MMP28: variants seen among roughly 807,000 people sequenced by gnomAD.
MMP28 encodes matrix metalloproteinase-28.
MMP28 carries 55 observed loss-of-function variants against 60.5 expected under a neutral mutation model. The observed-to-expected ratio is 0.91, with a 90% CI of 0.73 to 1.14. MMP28 has a LOEUF of 1.14. MMP28 is among the 50% of genes most tolerant of loss of function. MMP28 has a pLI of 0.00. For synonymous variants in MMP28, 318 were observed against 312.5 expected (o/e 1.02, Z -0.18); for missense variants, 686 against 738.3 (o/e 0.93, Z 0.82).
At chr17:35,774,217 A>G (rs930119788) in intron 3 of MMP28, among the ~76,000 whole-genome samples, 3 of 152,190 alleles carry the variant, frequency 2.0e-5, no homozygotes, top group African/African-American at 7.2e-5. Flanking sequence ...TCTGGGCCCA[A>G]CTGCAGCTCA....
At chr17:35,762,189 C>A (rs2085834205), downstream of MMP28, among the ~76,000 whole-genome samples, 1 of 152,040 alleles carries the variant, frequency 6.6e-6, no homozygotes, top group African/African-American at 2.4e-5. Context: ...GGGGTTTCTC[C>A]TTGTTGGTCA....
chr17:35,790,989 C>T (rs2086798777), intron 1 of MMP28, among the ~76,000 whole-genome samples: 1 of 151,748 alleles, frequency 6.6e-6, no homozygotes, highest in East Asian at 2.0e-4. Flanking sequence ...CCCGGCCTCC[C>T]AAAGTGCTGG....
At chr17:35,768,075 T>C (rs1555604192) in intron 6 of MMP28, among the ~76,000 whole-genome samples, 155 bp downstream of exon 6, 2 of 151,922 alleles carry the variant, frequency 1.3e-5, no homozygotes, top group South Asian at 2.1e-4. Flanking sequence ...GAAGAAGCGG[T>C]GTTTTGCTGG....
chr17:35,756,707 A>T (rs1202371141), intron 2 of MMP28, among the ~76,000 whole-genome samples: 1 of 151,494 alleles, frequency 6.6e-6, no homozygotes, highest in African/African-American at 2.4e-5. Flanking sequence ...AGCTCAAGTG[A>T]TTTGCCCACC....
At chr17:35,790,172 T>C (rs2086773538) in intron 1 of MMP28, among the ~76,000 whole-genome samples, 1 of 146,594 alleles carries the variant, frequency 6.8e-6, no homozygotes, top group Non-Finnish European at 1.5e-5. Flanking sequence ...GTTCAAGCAA[T>C]TCTGCCTCAG....
chr17:35,764,598 G>A (rs782125842), downstream of MMP28: 3 of 1,586,862 alleles, frequency 1.9e-6, no homozygotes, highest in South Asian at 3.4e-5. Context: ...GGGTAAGGCG[G>A]GGGCCGCTGG....
At chr17:35,791,007 G>A (rs1471904256) in intron 1 of MMP28, among the ~76,000 whole-genome samples, 1 of 151,640 alleles carries the variant, frequency 6.6e-6, no homozygotes, top group South Asian at 2.1e-4. Context: ...TGGGATTACA[G>A]GTATGAGTCA....
chr17:35,794,334 C>T (rs1414222830), intron 1 of MMP28, among the ~76,000 whole-genome samples: 1 of 150,572 alleles, frequency 6.6e-6, no homozygotes, highest in Non-Finnish European at 1.5e-5. Context: ...CAACCTCTGC[C>T]TCCCGGGTTC....
chr17:35,764,375 C>T (rs781865674), downstream of MMP28: 6 of 1,459,326 alleles, frequency 4.1e-6, no homozygotes, highest in Non-Finnish European at 5.4e-6. Flanking sequence ...TGCCCGGGCC[C>T]CAGGGAGGAG....
At chr17:35,786,347 C>T (rs2086648206) in intron 1 of MMP28, among the ~76,000 whole-genome samples, 1 of 152,166 alleles carries the variant, frequency 6.6e-6, no homozygotes, top group Admixed American at 6.5e-5. Context: ...CGTGAGCCAC[C>T]ATGCCCAGCC....
chr17:35,778,631 G>T, intron 3 of MMP28: 1 of 757,454 alleles, frequency 1.3e-6, no homozygotes, highest in Non-Finnish European at 2.0e-6. Flanking sequence ...ATTTATCAAG[G>T]AATTACATGG....
rs754305201 is a variant in MMP28 at position 35,779,091 on chromosome 17, G to A, written c.192-16C>T. The A allele has an allele frequency of 2.5e-6, 4 of 1,611,656 alleles. No individual in the cohort carries two copies. The highest frequency in any genetic ancestry group is 2.5e-6 in the Non-Finnish European group (3 of 1,178,634). The stretch of plus-strand genomic sequence containing the variant: ...CTGAAACGCTCTGTCAGGAGGAAAG[G>A]ACCGCAAGGGGAGGGTGAGTGGTAA... On this transcript the variant is annotated splice_polypyrimidine_tract_variant and intron_variant, in intron 2 of 7. Transcript: ENST00000605424.
intron 2 of MMP28, among the ~76,000 whole-genome samples, chr17:35,759,632 C>T (rs2085781224): frequency 6.6e-6 from 1 of 152,126 alleles, no homozygotes; most frequent in African/African-American, 2.4e-5. Context: ...ACCCGGGAGG[C>T]AGAGGTTGCA....
At chr17:35,768,860 C>T (rs1339658154) in intron 5 of MMP28, among the ~76,000 whole-genome samples, 1 of 152,060 alleles carries the variant, frequency 6.6e-6, no homozygotes, top group Non-Finnish European at 1.5e-5. Flanking sequence ...AACCATCAAA[C>T]TAAACTCAGG....
Position 35,795,259 on chromosome 17 carries a change from C to G in MMP28, c.111+8G>C. The G allele has an allele frequency of 7.1e-7, 1 of 1,407,096 alleles. No homozygotes were observed. The highest frequency in any genetic ancestry group is 3.0e-5 in the East Asian group (1 of 32,862). 87.2% of individuals were successfully genotyped at this position (1,407,096 alleles called of 1,614,324 possible). On this transcript the variant is annotated splice_region_variant and intron_variant, in intron 1 of 7. Transcript: ENST00000605424. The stretch of plus-strand genomic sequence containing the variant: ...CGCACCGCTCTCCGCCAGGTACACA[C>G]GGCGTACCTCCGCCTCCTTGCGCAG...
intron 2 of MMP28, among the ~76,000 whole-genome samples, chr17:35,758,972 C>A (rs1461137665): frequency 6.6e-6 from 1 of 152,098 alleles, no homozygotes; most frequent in African/African-American, 2.4e-5. Flanking sequence ...TTTAGATGTG[C>A]CTGCCAGGGG....
intron 4 of MMP28, among the ~76,000 whole-genome samples, chr17:35,771,744 TATATATATATAA>T (rs1555605818): frequency 9.8e-5 from 9 of 91,492 alleles, no homozygotes; most frequent in South Asian, 3.5e-4. Context: ...TATATATATA[TATATATATATAA>T]AATTGTGTTC....
chr17:35,765,843 G>A (rs1423993279), downstream of MMP28: 5 of 985,286 alleles, frequency 5.1e-6, no homozygotes, highest in Non-Finnish European at 6.0e-6. Context: ...AAGGATGGAA[G>A]AACTGCTCCA....
At chr17:35,769,765 G>A (rs549295913) in intron 5 of MMP28, among the ~76,000 whole-genome samples, 3 of 152,066 alleles carry the variant, frequency 2.0e-5, no homozygotes, top group East Asian at 3.9e-4. Flanking sequence ...GGAGCTGCGG[G>A]GGCTGGGGGT....
Sources: gnomAD v4.1 joint callset for allele counts (sites outside exome capture counted in the v4.1 genomes callset) on GRCh38, gnomAD v4.1.1 for gene constraint, MANE v1.5 for transcripts, NCBI Gene and HGNC (gene_info 2026-07-23, HGNC 2026-07-21) for gene names.